Variants in CCDC171 observed in about 807,000 individuals in gnomAD.
CCDC171 encodes coiled-coil domain-containing protein 171.
In CCDC171, 177 loss-of-function variants were observed where a neutral mutation model predicts 168.2. The observed-to-expected ratio is 1.05, with a 90% CI of 0.93 to 1.19. The LOEUF (loss-of-function observed/expected upper bound fraction) is 1.19, where lower values mean the gene tolerates loss of function less well. CCDC171 is among the 50% of genes most tolerant of loss of function. CCDC171 has a pLI of 0.00. For synonymous variants in CCDC171, 687 were observed against 540.8 expected, an observed-to-expected ratio of 1.27 and a Z score of -3.75; for missense variants, 1,991 against 1,539.0, an observed-to-expected ratio of 1.29 and a Z score of -4.91.
intron 6 of CCDC171, among the ~76,000 whole-genome samples, chr9:15,601,607 C>T (rs368110403): frequency 5.3e-5 from 8 of 152,148 alleles, no homozygotes; most frequent in East Asian, 3.9e-4. Flanking sequence ...TTTCTGTCCT[C>T]GAAGATATTT....
intron 1 of CCDC171, among the ~76,000 whole-genome samples, chr9:15,555,992 C>T (rs932211265): frequency 6.6e-6 from 1 of 152,132 alleles, no homozygotes; most frequent in Non-Finnish European, 1.5e-5. Flanking sequence ...CTTTATCCAT[C>T]TCCCTACAAA....
intron 3 of CCDC171, among the ~76,000 whole-genome samples, chr9:15,994,376 AAT>A (rs1266029801): frequency 3.9e-5 from 6 of 152,196 alleles, no homozygotes. Context: ...CATAGGTGGG[AAT>A]TGAACAATGA....
chr9:15,938,831 T>TCTAGTCTC (rs1179108392), intron 25 of CCDC171, among the ~76,000 whole-genome samples: 1 of 151,912 alleles, frequency 6.6e-6, no homozygotes, highest in Non-Finnish European at 1.5e-5. Context: ...ACTTTATTTT[T>TCTAGTCTC]CTAGTCTCTA....
At chr9:15,556,531 A>C (rs545688558) in intron 1 of CCDC171, among the ~76,000 whole-genome samples, 172 of 152,278 alleles carry the variant, frequency 1.1e-3, no homozygotes, top group African/African-American at 4.0e-3. Flanking sequence ...GGCTGCATAA[A>C]TATATTCTTT....
At chr9:15,596,058 G>A (rs913026815) in intron 6 of CCDC171, among the ~76,000 whole-genome samples, 25 of 152,244 alleles carry the variant, frequency 1.6e-4, no homozygotes, top group African/African-American at 5.1e-4. Context: ...TTTGTCAGAT[G>A]AGTAGATTGC....
At chr9:15,757,974 A>G (rs2056226863) in intron 18 of CCDC171, among the ~76,000 whole-genome samples, 2 of 152,206 alleles carry the variant, frequency 1.3e-5, no homozygotes, top group Admixed American at 6.5e-5. Context: ...GAAGTTTGCT[A>G]CAGGGGTGGG....
At chr9:15,608,995 A>T (rs1450365705) in intron 6 of CCDC171, among the ~76,000 whole-genome samples, 1 of 143,538 alleles carries the variant, frequency 7.0e-6, no homozygotes, top group Non-Finnish European at 1.5e-5. Flanking sequence ...TTTAAAAAAT[A>T]TATTTAGTAA....
At chr9:15,564,424 T>C (rs1215093188) in intron 2 of CCDC171, among the ~76,000 whole-genome samples, 1 of 152,242 alleles carries the variant, frequency 6.6e-6, no homozygotes, top group East Asian at 1.9e-4. Context: ...AATGTTTCCC[T>C]TGTATTTTTT....
At chr9:15,782,463 T>G (rs1158120307) in intron 20 of CCDC171, among the ~76,000 whole-genome samples, 1 of 152,216 alleles carries the variant, frequency 6.6e-6, no homozygotes, top group Admixed American at 6.5e-5. Context: ...CAAGAGAGGC[T>G]AAAATTACCT....
At chr9:15,856,581 C>T (rs951032483) in intron 23 of CCDC171, among the ~76,000 whole-genome samples, 18 of 151,594 alleles carry the variant, frequency 1.2e-4, no homozygotes, top group Non-Finnish European at 2.4e-4. Context: ...ATGTTTATAC[C>T]ATATTTTATG....
rs143693138 is a variant in CCDC171, at chr9:15,697,963, T to G, written c.1318+2626T>G. On this transcript the variant is annotated intron_variant, in intron 11 of 25. Coordinates refer to ENST00000380701, the MANE Select transcript of CCDC171 (RefSeq NM_173550.4). ...TGTGTAATCATCAAATCAGGGTATTTAAGATACCAGTCACCTTGAACATTT... is the reference window on the plus strand; with the variant it reads ...TGTGTAATCATCAAATCAGGGTATTGAAGATACCAGTCACCTTGAACATTT... Among the ~76,000 whole-genome samples, 404 of 152,332 alleles carry G rather than the reference T, an allele frequency of 2.7e-3. 2 individuals carry two copies. Among genetic ancestry groups the G allele is most frequent in the African/African-American group, 9.1e-3 (378 of 41,576 alleles).
chr9:15,832,787 G>A (rs770266491), intron 21 of CCDC171, among the ~76,000 whole-genome samples: 1 of 151,988 alleles, frequency 6.6e-6, no homozygotes, highest in Non-Finnish European at 1.5e-5. Flanking sequence ...GCACAAACAC[G>A]GTGTAAAGCT....
intron 21 of CCDC171, among the ~76,000 whole-genome samples, chr9:15,822,467 G>A (rs1329047524): frequency 2.6e-5 from 4 of 152,004 alleles, no homozygotes; most frequent in Admixed American, 1.3e-4. Context: ...AATCTACAAT[G>A]AACTCAAACA....
chr9:15,761,718 G>T (rs1239692905), intron 18 of CCDC171, among the ~76,000 whole-genome samples: 1 of 152,138 alleles, frequency 6.6e-6, no homozygotes, highest in African/African-American at 2.4e-5. Flanking sequence ...AGCACAATCT[G>T]ACTGAGTATC....
Position 15,591,477 on chromosome 9 carries a change from G to C in CCDC171, c.464G>C (p.Arg155Thr). ...CRRFEHDLEERDNMIQNCNRE... is the reference protein window; with the variant it reads ...CRRFEHDLEETDNMIQNCNRE... ...AGATTTGAACATGATTTGGAGGAAAGAGACAATATGATCCAAAATTGCAAT... is the reference window on the plus strand; with the variant it reads ...AGATTTGAACATGATTTGGAGGAAACAGACAATATGATCCAAAATTGCAAT... The change falls in exon 5 of 26, where the codon AGA becomes ACA. Residue 155 changes from arginine to threonine, a missense_variant. Arg to Thr is a moderately conservative substitution (Grantham distance 71, BLOSUM62 -1). Transcript: ENST00000380701. The C allele has an allele frequency of 6.2e-7, 1 of 1,608,382 alleles. No individual in the cohort carries two copies. The highest frequency in any genetic ancestry group is 8.5e-7 in the Non-Finnish European group (1 of 1,177,062).
intron 18 of CCDC171, among the ~76,000 whole-genome samples, chr9:15,765,370 A>C (rs868344805): frequency 7.4e-4 from 113 of 152,300 alleles, no homozygotes; most frequent in African/African-American, 2.6e-3. Context: ...TGAAAGAAAA[A>C]AAAATCTTGA....
At chr9:15,849,334 A>T (rs1177140722) in intron 23 of CCDC171, among the ~76,000 whole-genome samples, 2 of 151,040 alleles carry the variant, frequency 1.3e-5, no homozygotes, top group Non-Finnish European at 3.0e-5. Context: ...TATATAGAGA[A>T]ATATATATTT....
chr9:15,895,365 T>C (rs1028825674), intron 24 of CCDC171, among the ~76,000 whole-genome samples: 1 of 152,120 alleles, frequency 6.6e-6, no homozygotes, highest in Non-Finnish European at 1.5e-5. Flanking sequence ...AAAGTAACTG[T>C]GATCTCCAAG....
At chr9:16,065,653 T>C (rs1833982628), downstream of CCDC171, among the ~76,000 whole-genome samples, 1 of 152,192 alleles carries the variant, frequency 6.6e-6, no homozygotes, top group African/African-American at 2.4e-5. Context: ...ATATTTGCTT[T>C]AGAAACATGA....
Sources: allele counts gnomAD v4.1 joint callset (sites outside exome capture counted in the v4.1 genomes callset), GRCh38; gene constraint gnomAD v4.1.1; transcripts MANE v1.5; gene names NCBI Gene and HGNC (gene_info 2026-07-23, HGNC 2026-07-21).